Variants in PHF2 observed in about 807,000 individuals in gnomAD.
PHF2 encodes the protein lysine-specific demethylase PHF2.
PHF2 carries 27 observed loss-of-function variants against 120.5 expected under a neutral mutation model. The ratio of observed to expected loss-of-function variants is 0.22; its 90% CI spans 0.17 to 0.31. The LOEUF is 0.31. PHF2 is among the 10% of genes least tolerant of loss of function. The pLI is 1.00. For synonymous variants in PHF2, 568 were observed against 592.5 expected (o/e 0.96, Z 0.60); for missense variants, 1,024 against 1,434.8 (o/e 0.71, Z 4.63).
chr9:93,676,724 C>A lies in PHF2; in HGVS notation c.2963C>A (p.Pro988Gln). 6.4e-7 allele frequency: 1 copy of A among 1,559,832 alleles called. No homozygotes were observed. The highest frequency in any genetic ancestry group is 2.4e-5 in the East Asian group (1 of 41,522). The part of the protein sequence containing the change: ...STSTTPASTT[P>Q]ASTTPASTST... The stretch of plus-strand genomic sequence containing the variant: ...TCCACCACGCCAGCCTCTACCACCC[C>A]GGCCTCCACCACCCCGGCCTCCACC... The change falls in exon 21 of 22, where the codon CCG becomes CAG. Residue 988 changes from proline to glutamine, a missense_variant. Physicochemically the swap from Pro to Gln is moderately conservative, Grantham distance 76. Transcript: ENST00000359246.
rs2118034314 is a variant in PHF2 at position 93,665,574 on chromosome 9, C to T, written c.1938-112C>T. The T allele has an allele frequency of 6.0e-6, 7 of 1,172,458 alleles. No homozygotes were observed. The South Asian group carries it at 8.9e-5, about 15-fold the overall frequency. 72.6% of individuals were successfully genotyped at this position (1,172,458 alleles called of 1,614,324 possible). ...TTCAAATAGTGGCAACGTCACCTGCCTCCTGGAGGCCATCCTGCCGCGGCC... is the reference window on the plus strand; with the variant it reads ...TTCAAATAGTGGCAACGTCACCTGCTTCCTGGAGGCCATCCTGCCGCGGCC... On this transcript the variant is annotated intron_variant, in intron 14 of 21. Coordinates refer to ENST00000359246, the MANE Select transcript of PHF2 (RefSeq NM_005392.4).
chr9:93,604,837 C>A (rs1054593466), intron 1 of PHF2, among the ~76,000 whole-genome samples: 1 of 127,932 alleles, frequency 7.8e-6, no homozygotes, highest in African/African-American at 2.9e-5. Context: ...GAATTCTGAG[C>A]CTTTTTTTTA....
rs541270953 is a variant in PHF2, at chr9:93,678,806, C to G, written c.*1130C>G. 6.5e-6 allele frequency: 1 copy of G among 153,518 alleles called. No homozygotes were observed. The highest frequency in any genetic ancestry group is 2.4e-5 in the African/African-American group (1 of 41,416). The allele number at this position is 153,518 out of a possible 1,614,324, so 9.5% of individuals were successfully genotyped here. A position where few individuals can be genotyped will look rare whatever the true frequency, so the allele number is the denominator to read the frequency against. ...ATAGAGTTCTTCATTAACATTTATACGAGTTTTTTGCTGAGTCAGATGGAC... is the reference window on the plus strand; with the variant it reads ...ATAGAGTTCTTCATTAACATTTATAGGAGTTTTTTGCTGAGTCAGATGGAC... On this transcript the variant is annotated 3_prime_UTR_variant, in exon 22 of 22. Transcript: ENST00000359246.
At chr9:93,643,670 T>G (rs989729547) in intron 3 of PHF2, among the ~76,000 whole-genome samples, 3 of 152,180 alleles carry the variant, frequency 2.0e-5, no homozygotes, top group Non-Finnish European at 2.9e-5. Flanking sequence ...GAGGCTTTTC[T>G]GGGGACTCAG....
At chr9:93,634,547 C>A (rs1361799867) in intron 2 of PHF2, among the ~76,000 whole-genome samples, 1 of 152,226 alleles carries the variant, frequency 6.6e-6, no homozygotes, top group Admixed American at 6.5e-5. Context: ...AACAGGAGGG[C>A]AGGTTGGAGC....
chr9:93,621,665 G>A (rs1340795720), intron 1 of PHF2, among the ~76,000 whole-genome samples: 2 of 152,190 alleles, frequency 1.3e-5, no homozygotes, highest in African/African-American at 4.8e-5. Flanking sequence ...TTGTGCCTCT[G>A]AGTCCTTGTG....
chr9:93,672,373 T>A (rs1826816682), intron 17 of PHF2: 1 of 980,016 alleles, frequency 1.0e-6, no homozygotes. Flanking sequence ...TAGATGCAGG[T>A]GTGAGTGTGG....
intron 18 of PHF2, among the ~76,000 whole-genome samples, chr9:93,674,170 C>T (rs1282984625): frequency 6.6e-6 from 1 of 152,148 alleles, no homozygotes; most frequent in East Asian, 1.9e-4. Context: ...ATCTTGCTTC[C>T]TCCTGAACCT....
At chr9:93,630,249 G>A (rs1825977987) in intron 2 of PHF2, among the ~76,000 whole-genome samples, 194 bp downstream of exon 2, 1 of 152,222 alleles carries the variant, frequency 6.6e-6, no homozygotes, top group Admixed American at 6.5e-5. Flanking sequence ...TAGGCCCACT[G>A]TAGCCCCTCC....
chr9:93,602,321 C>T lies in PHF2; in HGVS notation c.98+25450C>T, dbSNP rs1262270053. 3.1e-5 allele frequency among the ~76,000 whole-genome samples: 4 copies of T among 131,140 alleles called. No individual in the cohort carries two copies. The East Asian group carries it at 9.4e-4, about 31-fold the overall frequency. 86.0% of individuals were successfully genotyped at this position (131,140 alleles called of 152,430 possible). On this transcript the variant is annotated intron_variant, in intron 1 of 21. Coordinates refer to ENST00000359246, the MANE Select transcript of PHF2 (RefSeq NM_005392.4). ...AGGCTGGAGTGCAATGGCACGATCT[C>T]GGCTCACTGCAACCTCTGCCTCCCG...
intron 1 of PHF2, among the ~76,000 whole-genome samples, chr9:93,596,895 A>G (rs1825343387): frequency 6.7e-6 from 1 of 148,640 alleles, no homozygotes; most frequent in Non-Finnish European, 1.5e-5. Flanking sequence ...AGTAGCTGGG[A>G]CTACAGGCAC....
At chr9:93,590,403 C>G (rs1564372945) in intron 1 of PHF2, among the ~76,000 whole-genome samples, 1 of 152,120 alleles carries the variant, frequency 6.6e-6, no homozygotes, top group Non-Finnish European at 1.5e-5. Context: ...GGGAACAGGC[C>G]CTTCCACTCT....
At chr9:93,607,360 C>A (rs1008592540) in intron 1 of PHF2, among the ~76,000 whole-genome samples, 15 of 151,102 alleles carry the variant, frequency 9.9e-5, no homozygotes, top group Middle Eastern at 3.4e-3. Context: ...CAACCTCTAC[C>A]TCCTGGGTTC....
intron 5 of PHF2, among the ~76,000 whole-genome samples, chr9:93,651,695 C>A (rs2117920321): frequency 6.6e-6 from 1 of 152,300 alleles, no homozygotes; most frequent in South Asian, 2.1e-4. Flanking sequence ...ATACATGTCA[C>A]ATCTGGTCTC....
rs937961827 is a variant in PHF2 at position 93,649,258 on chromosome 9, G to A, written c.602+46G>A. 43 of 1,509,240 alleles carry A rather than the reference G, an allele frequency of 2.8e-5. 1 individual carries two copies. The Admixed American group carries it at 8.5e-4, about 30-fold the overall frequency. 93.5% of individuals were successfully genotyped at this position (1,509,240 alleles called of 1,614,324 possible). ...GGTGTGGGGGCTGGGGTTGGGGCAG[G>A]GGCGCTGTGCCGTCCTTGGTAGTCG... On this transcript the variant is annotated intron_variant, in intron 5 of 21. Coordinates refer to ENST00000359246, the MANE Select transcript of PHF2 (RefSeq NM_005392.4).
At position 93,608,279 on chromosome 9, in the gene PHF2, C is replaced by T. The variant is rs186106965; in HGVS notation, c.99-21691C>T. Among the ~76,000 whole-genome samples, 357 of 151,970 alleles carry T rather than the reference C, an allele frequency of 2.3e-3. 1 individual carries two copies. The highest frequency in any genetic ancestry group is 8.3e-3 in the African/African-American group (345 of 41,424). ...TTGAGTCTGCAGTGGGCTGTGATTGCGCCACTGTACTCTAGCCTGGGCAAT... is the reference window on the plus strand; with the variant it reads ...TTGAGTCTGCAGTGGGCTGTGATTGTGCCACTGTACTCTAGCCTGGGCAAT... On this transcript the variant is annotated intron_variant, in intron 1 of 21. Transcript: ENST00000359246.
rs183572825 is a variant in PHF2 at position 93,650,495 on chromosome 9, A to C, written c.602+1283A>C. On this transcript the variant is annotated intron_variant, in intron 5 of 21. Transcript: ENST00000359246. ...GCTGTGACCTGCCTCCCTGCTTTCC[A>C]GGCAAGGCAGGCCCCACACAGATAC... Among the ~76,000 whole-genome samples, 345 of 152,274 alleles carry C rather than the reference A, an allele frequency of 2.3e-3. 1 individual carries two copies. Among genetic ancestry groups the C allele is most frequent in the African/African-American group, 7.9e-3 (327 of 41,550 alleles).
chr9:93,657,528 G>A (rs1252089933), intron 9 of PHF2, among the ~76,000 whole-genome samples: 2 of 152,212 alleles, frequency 1.3e-5, no homozygotes, highest in African/African-American at 4.8e-5. Flanking sequence ...GGCCAGCCAG[G>A]CCACTGTGGC....
chr9:93,663,949 T>TC (rs1826627708), intron 14 of PHF2, among the ~76,000 whole-genome samples: 1 of 152,174 alleles, frequency 6.6e-6, no homozygotes, highest in Non-Finnish European at 1.5e-5. Flanking sequence ...CAGAGCCACA[T>TC]CCCTGCCTCC....
Sources: gnomAD v4.1 joint callset for allele counts (sites outside exome capture counted in the v4.1 genomes callset) on GRCh38, gnomAD v4.1.1 for gene constraint, MANE v1.5 for transcripts, NCBI Gene and HGNC (gene_info 2026-07-23, HGNC 2026-07-21) for gene names.